The following SUSD6 variants were observed in gnomAD, a reference collection of about 807,000 sequenced individuals.
The protein encoded by SUSD6 is sushi domain containing 6.
A neutral mutation model predicts 28.4 loss-of-function variants in SUSD6; 16 were observed. That is an observed-to-expected ratio of 0.56 (90% CI 0.38 to 0.86). The LOEUF (loss-of-function observed/expected upper bound fraction) is 0.86, where lower values mean the gene tolerates loss of function less well. Ranked by LOEUF, SUSD6 falls within the 40% of genes least tolerant of loss-of-function variation. The probability of loss-of-function intolerance (pLI) is 0.00; values close to 1 mark genes in which losing one functional copy is unlikely to be tolerated. For missense variants in SUSD6, 341 were observed against 384.2 expected (o/e 0.89, Z 0.94); for synonymous variants, 147 against 159.6 (o/e 0.92, Z 0.59).
intron 2 of SUSD6, among the ~76,000 whole-genome samples, chr14:69,661,987 T>C (rs1885669166): frequency 6.6e-6 from 1 of 152,124 alleles, no homozygotes; most frequent in Non-Finnish European, 1.5e-5. Context: ...ATTTTTTATG[T>C]TGCCCAGGCT....
chr14:69,678,459 C>T (rs1885947885), intron 2 of SUSD6, among the ~76,000 whole-genome samples: 2 of 151,874 alleles, frequency 1.3e-5, no homozygotes, highest in South Asian at 4.1e-4. Flanking sequence ...ATATTTATAA[C>T]CATTCTCTCA....
intron 1 of SUSD6, among the ~76,000 whole-genome samples, chr14:69,650,179 T>C (rs923986121): frequency 2.0e-5 from 3 of 152,168 alleles, no homozygotes; most frequent in Admixed American, 6.5e-5. Flanking sequence ...TCTCAGGCAG[T>C]GTTTCCAAAC....
intron 1 of SUSD6, among the ~76,000 whole-genome samples, chr14:69,638,382 T>C (rs1244875166): frequency 6.6e-6 from 1 of 151,784 alleles, no homozygotes; most frequent in East Asian, 1.9e-4. Context: ...CCCATCACTC[T>C]TGGTGTGAGT....
chr14:69,617,975 G>C (rs1213607668), intron 1 of SUSD6, among the ~76,000 whole-genome samples: 1 of 152,208 alleles, frequency 6.6e-6, no homozygotes, highest in East Asian at 1.9e-4. Flanking sequence ...GTTAAAAACA[G>C]ATCATGCCAG....
intron 2 of SUSD6, among the ~76,000 whole-genome samples, chr14:69,686,718 G>T (rs1306661050): frequency 6.6e-6 from 1 of 152,194 alleles, no homozygotes; most frequent in Non-Finnish European, 1.5e-5. Context: ...CAAATCTTGT[G>T]AGACCCATTC....
At position 69,615,333 on chromosome 14, in the gene SUSD6, A is replaced by G. The variant is rs529362089; in HGVS notation, c.-81+3505A>G. ...CTGGCTTGGATTCAAGGCAACAGCC[A>G]TTGTGTGTCCCTTGGATGAGTGTAA... On this transcript the variant is annotated intron_variant, in intron 1 of 5. Coordinates refer to ENST00000342745, the MANE Select transcript of SUSD6 (RefSeq NM_014734.4). 3.9e-5 allele frequency among the ~76,000 whole-genome samples: 6 copies of G among 152,306 alleles called. No homozygotes were observed. The East Asian group carries it at 1.2e-3, about 29-fold the overall frequency.
chr14:69,661,648 G>A (rs1352814713), intron 2 of SUSD6, among the ~76,000 whole-genome samples: 1 of 152,042 alleles, frequency 6.6e-6, no homozygotes, highest in Non-Finnish European at 1.5e-5. Context: ...CCCTTTCTAG[G>A]CCTGAAACCC....
At chr14:69,631,807 G>A (rs901866137) in intron 1 of SUSD6, among the ~76,000 whole-genome samples, 2 of 152,178 alleles carry the variant, frequency 1.3e-5, no homozygotes, top group African/African-American at 4.8e-5. Context: ...AACACAGGGC[G>A]CTGGGAAATG....
chr14:69,629,037 A>T (rs1449449230), intron 1 of SUSD6, among the ~76,000 whole-genome samples: 1 of 151,774 alleles, frequency 6.6e-6, no homozygotes, highest in African/African-American at 2.4e-5. Flanking sequence ...GCAGGTAAAG[A>T]ATATGTGGAT....
At chr14:69,622,360 G>T (rs1488767613) in intron 1 of SUSD6, among the ~76,000 whole-genome samples, 1 of 151,984 alleles carries the variant, frequency 6.6e-6, no homozygotes, top group African/African-American at 2.4e-5. Flanking sequence ...CAGAGACGGG[G>T]TTTTGCCATG....
At chr14:69,649,850 A>G (rs1885478194) in intron 1 of SUSD6, among the ~76,000 whole-genome samples, 1 of 152,194 alleles carries the variant, frequency 6.6e-6, no homozygotes, top group South Asian at 2.1e-4. Context: ...TTTGGAAAAC[A>G]AAAGAGCAGG....
intron 4 of SUSD6, among the ~76,000 whole-genome samples, chr14:69,706,659 G>A (rs190111349): frequency 9.3e-4 from 141 of 151,818 alleles, no homozygotes; most frequent in African/African-American, 3.1e-3. Context: ...TATGGGTTTC[G>A]CCACATTGCC....
At chr14:69,702,412 C>T (rs887836482) in intron 2 of SUSD6, among the ~76,000 whole-genome samples, 5 of 152,166 alleles carry the variant, frequency 3.3e-5, no homozygotes, top group Non-Finnish European at 5.9e-5. Flanking sequence ...TTGTCCTTTT[C>T]CTCCTCAGGT....
At chr14:69,697,717 C>T (rs1886246517) in intron 2 of SUSD6, among the ~76,000 whole-genome samples, 2 of 152,168 alleles carry the variant, frequency 1.3e-5, no homozygotes, top group Non-Finnish European at 2.9e-5. Flanking sequence ...TCCTTAGTTT[C>T]TACTCTTTTT....
At chr14:69,675,542 C>CTT (rs5809439) in intron 2 of SUSD6, among the ~76,000 whole-genome samples, 1 of 149,786 alleles carries the variant, frequency 6.7e-6, no homozygotes, top group Non-Finnish European at 1.5e-5. Flanking sequence ...AGTTTCTGTG[C>CTT]TTTTTTTTTT....
At chr14:69,699,393 G>A (rs1886279749) in intron 2 of SUSD6, among the ~76,000 whole-genome samples, 2 of 151,958 alleles carry the variant, frequency 1.3e-5, no homozygotes, top group South Asian at 4.2e-4. Flanking sequence ...TAGTAGAGAT[G>A]GGGATTCACC....
intron 2 of SUSD6, among the ~76,000 whole-genome samples, chr14:69,700,784 A>G (rs538268185): frequency 6.6e-6 from 1 of 152,360 alleles, no homozygotes; most frequent in Non-Finnish European, 1.5e-5. Flanking sequence ...TTGGAAGAAT[A>G]TGGTAGAAAC....
intron 1 of SUSD6, among the ~76,000 whole-genome samples, chr14:69,640,136 C>T (rs1885330854): frequency 6.6e-6 from 1 of 151,516 alleles, no homozygotes; most frequent in African/African-American, 2.4e-5. Context: ...ACCTTAATGC[C>T]TCCTCCAGGA....
At chr14:69,690,663 C>T (rs1314267438) in intron 2 of SUSD6, among the ~76,000 whole-genome samples, 1 of 152,168 alleles carries the variant, frequency 6.6e-6, no homozygotes, top group Admixed American at 6.5e-5. Flanking sequence ...ACCAAGAAGG[C>T]ATGGCAAACT....
Sources: allele counts gnomAD v4.1 joint callset (sites outside exome capture counted in the v4.1 genomes callset), GRCh38; gene constraint gnomAD v4.1.1; transcripts MANE v1.5; gene names NCBI Gene and HGNC (gene_info 2026-07-23, HGNC 2026-07-21).